The following CACNB4 variants were observed in gnomAD, a reference collection of about 807,000 sequenced individuals.
The protein encoded by CACNB4 is voltage-dependent L-type calcium channel subunit beta-4.
Under a neutral mutation model 71.2 loss-of-function variants are expected in CACNB4, and 32 were observed. The ratio of observed to expected loss-of-function variants is 0.45; its 90% CI spans 0.34 to 0.60. The LOEUF (loss-of-function observed/expected upper bound fraction) is 0.60, where lower values mean the gene tolerates loss of function less well. Among genes scored for constraint, CACNB4 ranks in the 20% least tolerant of loss-of-function variants. The pLI, the probability that CACNB4 is intolerant of heterozygous loss-of-function variation, is 0.01. For synonymous variants in CACNB4, 231 were observed against 236.9 expected (o/e 0.97, Z 0.23); for missense variants, 464 against 647.9 (o/e 0.72, Z 3.08).
intron 2 of CACNB4, among the ~76,000 whole-genome samples, chr2:151,884,532 G>A (rs2099848836): frequency 6.7e-6 from 1 of 150,312 alleles, no homozygotes; most frequent in South Asian, 2.1e-4. Context: ...CTACTCAGGA[G>A]GCTGAGGCAG....
chr2:151,996,121 T>C (rs1682027648), intron 2 of CACNB4, among the ~76,000 whole-genome samples: 2 of 152,296 alleles, frequency 1.3e-5, no homozygotes, highest in South Asian at 4.1e-4. Flanking sequence ...TCAAGAACGG[T>C]ATTGCCCGTA....
intron 2 of CACNB4, among the ~76,000 whole-genome samples, chr2:152,048,941 G>A (rs143631443): frequency 8.5e-5 from 13 of 152,300 alleles, no homozygotes; most frequent in Middle Eastern, 3.4e-3. Context: ...TCAGGTGACT[G>A]TATGGTGTGC....
chr2:152,097,581 T>C (rs1047348397), intron 2 of CACNB4, among the ~76,000 whole-genome samples: 14 of 152,290 alleles, frequency 9.2e-5, no homozygotes, highest in African/African-American at 3.4e-4. Flanking sequence ...TGAGGACCAA[T>C]TTCCTGTGCC....
intron 2 of CACNB4, among the ~76,000 whole-genome samples, chr2:152,066,072 G>A (rs1023995961): frequency 6.6e-6 from 1 of 152,142 alleles, no homozygotes; most frequent in Non-Finnish European, 1.5e-5. Flanking sequence ...TATACAGGAA[G>A]CCCTTCAAGT....
intron 2 of CACNB4, among the ~76,000 whole-genome samples, chr2:151,979,476 G>C (rs2099874352): frequency 6.6e-6 from 1 of 150,558 alleles, no homozygotes; most frequent in South Asian, 2.1e-4. Context: ...AAAAAAAAGA[G>C]CCAATCTCTT....
chr2:151,908,283 G>A (rs908230555), intron 2 of CACNB4, among the ~76,000 whole-genome samples: 1 of 152,350 alleles, frequency 6.6e-6, no homozygotes. Flanking sequence ...GGTATATTTA[G>A]GGAGAGGTGG....
chr2:151,915,224 G>T (rs1030890157), intron 2 of CACNB4, among the ~76,000 whole-genome samples: 1 of 152,176 alleles, frequency 6.6e-6, no homozygotes, highest in Non-Finnish European at 1.5e-5. Flanking sequence ...AGTAAGGATG[G>T]GTCAGGGTCA....
intron 2 of CACNB4, among the ~76,000 whole-genome samples, chr2:152,095,204 C>A (rs1273540041): frequency 1.3e-5 from 2 of 152,148 alleles, no homozygotes; most frequent in African/African-American, 4.8e-5. Flanking sequence ...TCAAAGATTC[C>A]TGAGGGGCTT....
At chr2:151,909,907 G>T (rs910965150) in intron 2 of CACNB4, among the ~76,000 whole-genome samples, 1 of 151,322 alleles carries the variant, frequency 6.6e-6, no homozygotes, top group African/African-American at 2.4e-5. Flanking sequence ...ATTTATTTTG[G>T]GGGGTATATC....
At chr2:151,946,744 G>A (rs1184047510) in intron 2 of CACNB4, among the ~76,000 whole-genome samples, 1 of 152,050 alleles carries the variant, frequency 6.6e-6, no homozygotes, top group Non-Finnish European at 1.5e-5. Flanking sequence ...TGTCCCATGG[G>A]GAGGAGAGAA....
intron 2 of CACNB4, among the ~76,000 whole-genome samples, chr2:151,959,154 A>G (rs1243409607): frequency 6.6e-6 from 1 of 152,240 alleles, no homozygotes; most frequent in African/African-American, 2.4e-5. Flanking sequence ...GATAATGGAC[A>G]CTTTTTATAC....
At chr2:152,070,742 C>G (rs1434816300) in intron 2 of CACNB4, among the ~76,000 whole-genome samples, 1 of 152,238 alleles carries the variant, frequency 6.6e-6, no homozygotes, top group Non-Finnish European at 1.5e-5. Flanking sequence ...ACATCCTAAT[C>G]TGCATGAATA....
At chr2:152,091,464 G>A (rs1687968893) in intron 2 of CACNB4, among the ~76,000 whole-genome samples, 1 of 151,756 alleles carries the variant, frequency 6.6e-6, no homozygotes. Flanking sequence ...GTGAAACCTG[G>A]TCTCTACTAA....
At chr2:152,003,897 T>C (rs73013226) in intron 2 of CACNB4, among the ~76,000 whole-genome samples, 1 of 151,122 alleles carries the variant, frequency 6.6e-6, no homozygotes, top group Non-Finnish European at 1.5e-5. Context: ...CAGGCTGGAG[T>C]GCAATGGTGC....
At position 151,926,548 on chromosome 2, in the gene CACNB4, T is replaced by A. The variant is rs138138549; in HGVS notation, c.148-43178A>T. On this transcript the variant is annotated intron_variant, in intron 2 of 13. Coordinates refer to ENST00000539935, the MANE Select transcript of CACNB4 (RefSeq NM_000726.5). ...TCCCCAAAGAATCTATGGATAGAAT[T>A]CAGAGAGCTCAGGGATTTTGATGGA... is the stretch of plus-strand genomic sequence containing the variant. 9.2e-5 allele frequency among the ~76,000 whole-genome samples: 14 copies of A among 151,742 alleles called. No homozygotes were observed. The East Asian group carries it at 2.8e-3, about 31-fold the overall frequency.
In CACNB4 at chr2:152,099,034, A is replaced by T. The variant is rs1326433350; in HGVS notation, c.-23T>A. The T allele has an allele frequency of 3.3e-6, 5 of 1,509,272 alleles. No individual in the cohort carries two copies. Among genetic ancestry groups the T allele is most frequent in the Non-Finnish European group, 4.4e-6 (5 of 1,131,718 alleles). 93.5% of individuals were successfully genotyped at this position (1,509,272 alleles called of 1,614,324 possible). ...CATCGTTCAGAGCCGCCGCATGGCC[A>T]GCCCGTGTGCGGTGGGCGGAGGGGG... On this transcript the variant is annotated 5_prime_UTR_variant, in exon 1 of 14. Transcript: ENST00000539935.
chr2:152,064,015 A>G (rs1185968611), intron 2 of CACNB4, among the ~76,000 whole-genome samples: 1 of 152,258 alleles, frequency 6.6e-6, no homozygotes, highest in African/African-American at 2.4e-5. Flanking sequence ...TGTAATTCTC[A>G]GCAGACAATG....
chr2:151,939,507 TAAAAG>T (rs960846551), intron 2 of CACNB4, among the ~76,000 whole-genome samples: 1 of 152,214 alleles, frequency 6.6e-6, no homozygotes, highest in African/African-American at 2.4e-5. Context: ...GGACTTTCCT[TAAAAG>T]AAAAGGTCTG....
At chr2:151,863,057 G>GT (rs113313070) in intron 9 of CACNB4, among the ~76,000 whole-genome samples, 5,610 of 145,138 alleles carry the variant, frequency 0.039, 127 homozygotes, top group Middle Eastern at 0.078. Flanking sequence ...GGTTTGTGTG[G>GT]TTTTTTTTTT....
Sources: gnomAD v4.1 joint callset for allele counts (sites outside exome capture counted in the v4.1 genomes callset) on GRCh38, gnomAD v4.1.1 for gene constraint, MANE v1.5 for transcripts, NCBI Gene and HGNC (gene_info 2026-07-23, HGNC 2026-07-21) for gene names.